Variants in XPNPEP1 observed in about 807,000 individuals in gnomAD.
The protein encoded by XPNPEP1 is X-prolyl aminopeptidase 1, also known as xaa-Pro aminopeptidase 1.
A neutral mutation model predicts 92.4 loss-of-function variants in XPNPEP1; 39 were observed. The ratio of observed to expected loss-of-function variants is 0.42; its 90% confidence interval spans 0.33 to 0.55. XPNPEP1 has a LOEUF of 0.55. XPNPEP1 is among the 20% of genes least tolerant of loss of function. The probability of loss-of-function intolerance (pLI) is 0.08; values close to 1 mark genes in which losing one functional copy is unlikely to be tolerated. For missense variants in XPNPEP1, 654 were observed against 856.1 expected, an observed-to-expected ratio of 0.76 and a Z score of 2.95; for synonymous variants, 307 against 299.4, an observed-to-expected ratio of 1.03 and a Z score of -0.26.
At chr10:109,885,570 G>A (rs986680394) in intron 8 of XPNPEP1, among the ~76,000 whole-genome samples, 2 of 152,198 alleles carry the variant, frequency 1.3e-5, no homozygotes, top group African/African-American at 4.8e-5. Flanking sequence ...AAGATGCAGG[G>A]ACTGAAGAGA....
At chr10:109,876,963 C>G (rs559012443) in intron 14 of XPNPEP1, 8 of 152,408 alleles carry the variant, frequency 5.2e-5, no homozygotes, top group African/African-American at 1.9e-4. Context: ...TTCTTGTAGA[C>G]CACGTGGTAA....
At chr10:109,914,039 G>A (rs953041181) in intron 2 of XPNPEP1, among the ~76,000 whole-genome samples, 13 of 151,900 alleles carry the variant, frequency 8.6e-5, no homozygotes, top group East Asian at 1.9e-4. Context: ...GAGATTAGAC[G>A]GGCATGGTTT....
intron 3 of XPNPEP1, among the ~76,000 whole-genome samples, chr10:109,899,174 A>G (rs1849143330): frequency 6.6e-6 from 1 of 152,228 alleles, no homozygotes; most frequent in African/African-American, 2.4e-5. Context: ...CAGTTGTCCA[A>G]AGATTTGTGC....
At chr10:109,918,858 GGGAAGGAAGGAAGGAA>G (rs869050041) in intron 1 of XPNPEP1, among the ~76,000 whole-genome samples, 13,683 of 86,716 alleles carry the variant, frequency 0.16, 992 homozygotes, top group Non-Finnish European at 0.22. Flanking sequence ...GAAGGAAGGA[GGGAAGGAAGGAAGGAA>G]GGAAGGAAGG....
chr10:109,903,343 C>A (rs997252778), intron 3 of XPNPEP1, among the ~76,000 whole-genome samples: 1 of 152,174 alleles, frequency 6.6e-6, no homozygotes, highest in African/African-American at 2.4e-5. Flanking sequence ...AGCTGAGGCT[C>A]CATGACGACC....
At chr10:109,914,886 T>A (rs993364934) in intron 2 of XPNPEP1, 125 bp downstream of exon 2, 2 of 470,988 alleles carry the variant, frequency 4.2e-6, no homozygotes, top group Non-Finnish European at 7.1e-6. Flanking sequence ...AACTTCCAGA[T>A]ACTAACCCCC....
At position 109,864,801 on chromosome 10, in the gene XPNPEP1, A is replaced by G; in HGVS notation, c.*383T>C. 4.7e-6 allele frequency: 1 copy of G among 211,830 alleles called. No homozygotes were observed. The highest frequency in any genetic ancestry group is 8.6e-5 in the South Asian group (1 of 11,618). The allele number at this position is 211,830 out of a possible 1,614,324, so 13.1% of individuals were successfully genotyped here. ...ACATTTTTATTCACTGATCATAAAT[A>G]TAGTCTCATGAGCATTAAGGTGATC... On this transcript the variant is annotated 3_prime_UTR_variant, in exon 21 of 21. Coordinates refer to ENST00000502935, the MANE Select transcript of XPNPEP1 (RefSeq NM_020383.4).
intron 5 of XPNPEP1, among the ~76,000 whole-genome samples, chr10:109,890,591 TGTGAGAGA>T (rs1443816834): frequency 7.8e-3 from 709 of 91,304 alleles, no homozygotes; most frequent in South Asian, 0.054. Context: ...TGTGTGTGTG[TGTGAGAGA>T]GAGAGAGAGA....
In XPNPEP1 at chr10:109,873,444, C is replaced by T. The variant is rs1455093786; in HGVS notation, c.1392-17G>A. On this transcript the variant is annotated splice_polypyrimidine_tract_variant and intron_variant, in intron 15 of 20. Coordinates refer to ENST00000502935, the MANE Select transcript of XPNPEP1 (RefSeq NM_020383.4). ...GTGCCATCCCTTTCCAAAAAAAGGACAAATTGGTTTCCCGTCAAAATAAGC... is the reference window on the plus strand; with the variant it reads ...GTGCCATCCCTTTCCAAAAAAAGGATAAATTGGTTTCCCGTCAAAATAAGC... The T allele has an allele frequency of 1.2e-6, 2 of 1,614,022 alleles. No individual in the cohort carries two copies. The highest frequency in any genetic ancestry group is 1.7e-6 in the Non-Finnish European group (2 of 1,179,954).
chr10:109,894,073 C>T (rs1206992887), intron 3 of XPNPEP1: 3 of 152,280 alleles, frequency 2.0e-5, no homozygotes, highest in Non-Finnish European at 4.4e-5. Context: ...AGCTGCTGCT[C>T]CTTCTGCAGT....
At chr10:109,870,965 T>C in intron 17 of XPNPEP1, 61 bp from the exon 18 acceptor site, 2 of 1,550,070 alleles carry the variant, frequency 1.3e-6, no homozygotes, top group Non-Finnish European at 1.7e-6. Context: ...TTAAATTTAT[T>C]ATGTGTGGCT....
At chr10:109,913,693 T>C (rs1850012371) in intron 2 of XPNPEP1, among the ~76,000 whole-genome samples, 1 of 152,208 alleles carries the variant, frequency 6.6e-6, no homozygotes, top group South Asian at 2.1e-4. Flanking sequence ...CCATGCTCTA[T>C]TACACCATAT....
chr10:109,879,018 G>A (rs1203012669), intron 12 of XPNPEP1, among the ~76,000 whole-genome samples: 4 of 152,040 alleles, frequency 2.6e-5, no homozygotes, highest in African/African-American at 4.8e-5. Flanking sequence ...CGAGGCGGGC[G>A]GATCACAAGG....
At chr10:109,906,711 C>T (rs749897133) in intron 3 of XPNPEP1, among the ~76,000 whole-genome samples, 4 of 152,146 alleles carry the variant, frequency 2.6e-5, no homozygotes, top group Non-Finnish European at 5.9e-5. Context: ...GCCAGGGAAA[C>T]CTGTCCCACT....
At chr10:109,912,613 G>C (rs145178465) in intron 2 of XPNPEP1, among the ~76,000 whole-genome samples, 1 of 152,286 alleles carries the variant, frequency 6.6e-6, no homozygotes, top group East Asian at 1.9e-4. Flanking sequence ...AGTGAAAGTT[G>C]TAGCTAATGA....
Position 109,864,955 on chromosome 10 carries a change from T to C in XPNPEP1, c.*229A>G. 1 of 607,368 alleles carries C rather than the reference T, an allele frequency of 1.6e-6. No homozygotes were observed. Among genetic ancestry groups the C allele is most frequent in the East Asian group, 3.6e-5 (1 of 27,584 alleles). 37.6% of individuals were successfully genotyped at this position (607,368 alleles called of 1,614,324 possible). On this transcript the variant is annotated 3_prime_UTR_variant, in exon 21 of 21. Coordinates refer to ENST00000502935, the MANE Select transcript of XPNPEP1 (RefSeq NM_020383.4). ...AACTTTGGAGGGACCCTCCTTCTGG[T>C]GCAGCAATTTTATTCTTGGCTTGTT...
chr10:109,866,134 T>C (rs560143121), intron 20 of XPNPEP1, among the ~76,000 whole-genome samples: 8 of 152,294 alleles, frequency 5.3e-5, no homozygotes, highest in East Asian at 1.9e-4. Context: ...ATGAGACTGA[T>C]AGTGCCATGG....
chr10:109,923,280 C>T (rs1589652794), intron 1 of XPNPEP1, 122 bp downstream of exon 1: 26 of 1,214,032 alleles, frequency 2.1e-5, no homozygotes, highest in East Asian at 1.9e-4. Context: ...GCGGCCCTCG[C>T]CAGACTGCGG....
At chr10:109,891,622 T>G in intron 5 of XPNPEP1, 100 bp downstream of exon 5, 1 of 980,998 alleles carries the variant, frequency 1.0e-6, no homozygotes, top group Non-Finnish European at 1.5e-6. Context: ...AAAGGGTCCA[T>G]GACTGCATAA....
Sources: gnomAD v4.1 joint callset for allele counts (sites outside exome capture counted in the v4.1 genomes callset) on GRCh38, gnomAD v4.1.1 for gene constraint, MANE v1.5 for transcripts, NCBI Gene and HGNC (gene_info 2026-07-23, HGNC 2026-07-21) for gene names.